PTPRR: variants seen among roughly 807,000 people sequenced by gnomAD.
The protein encoded by PTPRR is protein tyrosine phosphatase receptor type R.
Under a neutral mutation model 77.2 loss-of-function variants are expected in PTPRR, and 38 were observed. That is an observed-to-expected ratio of 0.49 (90% CI 0.38 to 0.65). PTPRR has a LOEUF of 0.65. Ranked by LOEUF, PTPRR falls within the 30% of genes least tolerant of loss-of-function variation. The pLI is 0.00. For synonymous variants in PTPRR, 299 were observed against 283.1 expected, an observed-to-expected ratio of 1.06 and a Z score of -0.57; for missense variants, 744 against 799.2, an observed-to-expected ratio of 0.93 and a Z score of 0.83.
At chr12:70,885,199 G>C (rs1460672494) in intron 2 of PTPRR, among the ~76,000 whole-genome samples, 1 of 151,894 alleles carries the variant, frequency 6.6e-6, no homozygotes, top group Non-Finnish European at 1.5e-5. Context: ...TAATTGGGCA[G>C]TTGCTTAGAA....
intron 1 of PTPRR, among the ~76,000 whole-genome samples, chr12:70,915,633 CTT>C (rs748759257): frequency 6.6e-6 from 1 of 152,272 alleles, no homozygotes; most frequent in South Asian, 2.1e-4. Context: ...GTTTGAAAGA[CTT>C]TTTTCACTGA....
intron 1 of PTPRR, among the ~76,000 whole-genome samples, chr12:70,895,254 GAT>G (rs1893407509): frequency 6.6e-6 from 1 of 151,534 alleles, no homozygotes; most frequent in Admixed American, 6.6e-5. Context: ...GGGGAAAGTA[GAT>G]ATCTTAAAAG....
rs1398955633 is a variant in PTPRR at position 70,761,342 on chromosome 12, C to G, written c.627+129G>C. On this transcript the variant is annotated intron_variant, in intron 4 of 13. Transcript: ENST00000283228. ...ATGTAAAGATCAGAGAATTCTGACA[C>G]TCAGGGAAATTTTTATTATCAAATA... 5.8e-6 allele frequency: 5 copies of G among 859,276 alleles called. No individual in the cohort carries two copies. The South Asian group carries it at 1.4e-4, about 23-fold the overall frequency. 53.2% of individuals were successfully genotyped at this position (859,276 alleles called of 1,614,324 possible). A position where few individuals can be genotyped will look rare whatever the true frequency, so the allele number is the denominator to read the frequency against.
chr12:70,742,910 T>G (rs1270382779), intron 6 of PTPRR, among the ~76,000 whole-genome samples: 1 of 152,050 alleles, frequency 6.6e-6, no homozygotes, highest in Non-Finnish European at 1.5e-5. Flanking sequence ...AGAGAAAGGA[T>G]TTGATGAGGA....
intron 2 of PTPRR, among the ~76,000 whole-genome samples, chr12:70,817,766 T>C (rs1175817204): frequency 6.6e-6 from 1 of 152,216 alleles, no homozygotes; most frequent in Non-Finnish European, 1.5e-5. Flanking sequence ...CAATAAGAGA[T>C]ACATTTGATA....
intron 1 of PTPRR, among the ~76,000 whole-genome samples, chr12:70,905,823 A>G (rs1893613270): frequency 6.6e-6 from 1 of 152,002 alleles, no homozygotes; most frequent in South Asian, 2.1e-4. Context: ...GTCTCCAAAG[A>G]GACTTGAAAA....
At chr12:70,763,986 T>C (rs1890753133) in intron 3 of PTPRR, among the ~76,000 whole-genome samples, 1 of 150,940 alleles carries the variant, frequency 6.6e-6, no homozygotes. Context: ...CTGGGCCCTA[T>C]ACAACAGATC....
intron 5 of PTPRR, among the ~76,000 whole-genome samples, chr12:70,750,787 T>G (rs1361191543): frequency 6.6e-6 from 1 of 152,208 alleles, no homozygotes. Context: ...TGGAGTAAAG[T>G]GGCATGATCA....
chr12:70,840,721 C>G (rs1339627815), intron 2 of PTPRR, among the ~76,000 whole-genome samples: 1 of 152,104 alleles, frequency 6.6e-6, no homozygotes, highest in Non-Finnish European at 1.5e-5. Context: ...AAATTTCTCA[C>G]TATGTCGAAA....
intron 2 of PTPRR, among the ~76,000 whole-genome samples, chr12:70,870,706 T>C (rs547357324): frequency 6.6e-6 from 1 of 152,346 alleles, no homozygotes; most frequent in African/African-American, 2.4e-5. Context: ...GTCCAATATG[T>C]ACACTGTGTT....
intron 2 of PTPRR, among the ~76,000 whole-genome samples, chr12:70,765,627 A>G (rs1890800288): frequency 6.6e-6 from 1 of 152,168 alleles, no homozygotes; most frequent in Admixed American, 6.5e-5. Flanking sequence ...GCAGACTTAA[A>G]TGTCCCTGTC....
intron 12 of PTPRR, among the ~76,000 whole-genome samples, chr12:70,658,474 G>A (rs182003990): frequency 2.0e-5 from 3 of 152,312 alleles, no homozygotes; most frequent in Non-Finnish European, 2.9e-5. Context: ...TGAAGAAATA[G>A]GATTGGAACT....
intron 6 of PTPRR, among the ~76,000 whole-genome samples, chr12:70,708,815 A>AACACACAC (rs142909764): frequency 6.9e-4 from 61 of 89,026 alleles, no homozygotes; most frequent in Middle Eastern, 5.0e-3. Flanking sequence ...TACAAATACA[A>AACACACAC]ACACACACAC....
chr12:70,689,781 C>T (rs1887994581), intron 8 of PTPRR, among the ~76,000 whole-genome samples: 1 of 152,104 alleles, frequency 6.6e-6, no homozygotes, highest in Non-Finnish European at 1.5e-5. Context: ...TTTTTGCTGT[C>T]AATAGCTGGA....
intron 2 of PTPRR, among the ~76,000 whole-genome samples, chr12:70,809,879 T>A (rs929978282): frequency 6.6e-6 from 1 of 152,212 alleles, no homozygotes; most frequent in African/African-American, 2.4e-5. Context: ...GAAACATTTC[T>A]TTTAGATTTT....
chr12:70,865,167 C>G (rs1262978089), intron 2 of PTPRR, among the ~76,000 whole-genome samples: 1 of 152,074 alleles, frequency 6.6e-6, no homozygotes, highest in Non-Finnish European at 1.5e-5. Flanking sequence ...TCATTTCTCT[C>G]TTGCCTGTCG....
chr12:70,674,615 A>T (rs754802524), intron 10 of PTPRR, among the ~76,000 whole-genome samples: 11 of 152,146 alleles, frequency 7.2e-5, no homozygotes, highest in Non-Finnish European at 1.3e-4. Context: ...ATGTACAGTT[A>T]TTCCTGGAAA....
At chr12:70,809,488 T>C (rs1234465719) in intron 2 of PTPRR, among the ~76,000 whole-genome samples, 1 of 152,204 alleles carries the variant, frequency 6.6e-6, no homozygotes, top group Admixed American at 6.5e-5. Context: ...TTTAAAAATA[T>C]GCATTATTAA....
intron 2 of PTPRR, among the ~76,000 whole-genome samples, chr12:70,878,525 G>T (rs866232249): frequency 6.6e-6 from 1 of 152,206 alleles, no homozygotes; most frequent in Non-Finnish European, 1.5e-5. Context: ...GGCCATCAGA[G>T]AAATGCAAAT....
Sources: allele counts gnomAD v4.1 joint callset (sites outside exome capture counted in the v4.1 genomes callset), GRCh38; gene constraint gnomAD v4.1.1; transcripts MANE v1.5; gene names NCBI Gene and HGNC (gene_info 2026-07-23, HGNC 2026-07-21).